FRMD6: variants seen among roughly 807,000 people sequenced by gnomAD.
FRMD6 encodes the protein FERM domain containing 6.
A neutral mutation model predicts 73.2 loss-of-function variants in FRMD6; 37 were observed. The observed-to-expected ratio is 0.51, with a 90% CI of 0.39 to 0.66. FRMD6 has a LOEUF of 0.66. Ranked by LOEUF, FRMD6 falls within the 30% of genes least tolerant of loss-of-function variation. The pLI, the probability that FRMD6 is intolerant of heterozygous loss-of-function variation, is 0.00. For missense variants in FRMD6, 714 were observed against 780.5 expected (o/e 0.91, Z 1.02); for synonymous variants, 273 against 282.2 (o/e 0.97, Z 0.33).
the FRMD6 span, among the ~76,000 whole-genome samples, chr14:51,447,425 A>G: frequency 6.6e-6 from 1 of 152,160 alleles, no homozygotes; most frequent in African/African-American, 2.4e-5. Context: ...ACAAGCCTGA[A>G]CACCAGGAAG....
chr14:51,525,582 A>G (rs1231578868), intron 1 of FRMD6, among the ~76,000 whole-genome samples: 1 of 152,058 alleles, frequency 6.6e-6, no homozygotes, highest in Non-Finnish European at 1.5e-5. Flanking sequence ...TACACCCAGC[A>G]TTTTTAAAGA....
chr14:51,640,462 G>T (rs999706033), intron 2 of FRMD6, among the ~76,000 whole-genome samples: 1 of 152,184 alleles, frequency 6.6e-6, no homozygotes, highest in African/African-American at 2.4e-5. Flanking sequence ...CCTGTCACCA[G>T]TTCTTAAATG....
At chr14:51,727,356 A>G (rs1271428462) in intron 13 of FRMD6, among the ~76,000 whole-genome samples, 1 of 151,828 alleles carries the variant, frequency 6.6e-6, no homozygotes, top group East Asian at 1.9e-4. Flanking sequence ...CCTTATTTCA[A>G]GATAATTACT....
chr14:51,588,466 A>C (rs532832049), intron 2 of FRMD6, among the ~76,000 whole-genome samples: 1 of 152,292 alleles, frequency 6.6e-6, no homozygotes, highest in East Asian at 1.9e-4. Context: ...GCAGGTCTCT[A>C]CTTGATTATG....
At chr14:51,607,024 G>A (rs552666778) in intron 2 of FRMD6, among the ~76,000 whole-genome samples, 3 of 152,122 alleles carry the variant, frequency 2.0e-5, no homozygotes, top group Non-Finnish European at 4.4e-5. Context: ...TATTCTGTCC[G>A]GGTCCCCAGT....
chr14:51,521,473 A>G (rs1295400191), intron 1 of FRMD6, among the ~76,000 whole-genome samples: 1 of 152,190 alleles, frequency 6.6e-6, no homozygotes, highest in Non-Finnish European at 1.5e-5. Flanking sequence ...CTCAGAGAAT[A>G]TGCAACACAA....
chr14:51,550,743 C>A (rs1886777685), intron 1 of FRMD6, among the ~76,000 whole-genome samples: 1 of 151,984 alleles, frequency 6.6e-6, no homozygotes, highest in Middle Eastern at 3.4e-3. Context: ...GTGATCTTGG[C>A]AATTTTCATC....
At chr14:51,638,151 G>A (rs1891655655) in intron 2 of FRMD6, among the ~76,000 whole-genome samples, 1 of 152,172 alleles carries the variant, frequency 6.6e-6, no homozygotes, top group South Asian at 2.1e-4. Flanking sequence ...GAGTGTGGTT[G>A]CATAAGCCTG....
chr14:51,509,154 T>G (rs1413588916), intron 1 of FRMD6, among the ~76,000 whole-genome samples: 2 of 152,206 alleles, frequency 1.3e-5, no homozygotes, highest in Non-Finnish European at 2.9e-5. Context: ...AAATCAATCT[T>G]GATACTTTAA....
chr14:51,629,512 C>T (rs1048439561), intron 2 of FRMD6, among the ~76,000 whole-genome samples: 30 of 152,238 alleles, frequency 2.0e-4, no homozygotes, highest in African/African-American at 7.0e-4. Flanking sequence ...GTTCCACATC[C>T]TTGTCAACAC....
chr14:51,450,735 A>C, the FRMD6 span, among the ~76,000 whole-genome samples: 3 of 152,236 alleles, frequency 2.0e-5, no homozygotes, highest in Non-Finnish European at 1.5e-5. Context: ...TGGGCCAAAC[A>C]AACCATGACT....
intron 10 of FRMD6, chr14:51,717,149 C>T (rs1301604175): frequency 2.0e-5 from 3 of 152,072 alleles, no homozygotes; most frequent in South Asian, 2.1e-4. Context: ...CAAGTGTATT[C>T]GGAGGCTTAA....
chr14:51,667,809 A>G (rs910130148), intron 1 of FRMD6, among the ~76,000 whole-genome samples: 9 of 152,212 alleles, frequency 5.9e-5, no homozygotes, highest in African/African-American at 2.2e-4. Flanking sequence ...TTCTAATTAA[A>G]TCTTAAAAGT....
At chr14:51,441,431 C>A in the FRMD6 span, among the ~76,000 whole-genome samples, 3 of 152,232 alleles carry the variant, frequency 2.0e-5, no homozygotes, top group Admixed American at 2.0e-4. Context: ...AGCATCCAAT[C>A]CTCAGAAACT....
intron 2 of FRMD6, among the ~76,000 whole-genome samples, chr14:51,596,447 G>GA (rs1283121174): frequency 7.9e-5 from 12 of 152,134 alleles, no homozygotes; most frequent in African/African-American, 2.7e-4. Context: ...CCTGTCAAAT[G>GA]ATCATATCAA....
Position 51,687,201 on chromosome 14 carries a change from G to A in FRMD6, c.-146-2490G>A, listed in dbSNP as rs144827296. Among the ~76,000 whole-genome samples, 322 of 152,122 alleles carry A rather than the reference G, an allele frequency of 2.1e-3. 1 individual carries two copies. Among genetic ancestry groups the A allele is most frequent in the African/African-American group, 7.4e-3 (306 of 41,504 alleles). On this transcript the variant is annotated intron_variant, in intron 1 of 13. Coordinates refer to ENST00000344768, the MANE Select transcript of FRMD6 (RefSeq NM_001267046.2). ...ACAGCTCAGAAGATATTTTTTTCTAGTTTATTTTTTAAATTCTGGAAAGTA... is the reference window on the plus strand; with the variant it reads ...ACAGCTCAGAAGATATTTTTTTCTAATTTATTTTTTAAATTCTGGAAAGTA...
At chr14:51,495,810 A>G (rs1330222700) in intron 1 of FRMD6, among the ~76,000 whole-genome samples, 1 of 152,238 alleles carries the variant, frequency 6.6e-6, no homozygotes, top group Non-Finnish European at 1.5e-5. Context: ...AACTAGGTGA[A>G]GAAGCCATGA....
chr14:51,459,884 C>CTTTTTTTTGTTTTTTTT, the FRMD6 span, among the ~76,000 whole-genome samples: 1 of 74,650 alleles, frequency 1.3e-5, no homozygotes, highest in Non-Finnish European at 2.3e-5. Context: ...TACTGACTCT[C>CTTTTTTTTGTTTTTTTT]TTTTTTTTTT....
chr14:51,464,582 G>C, the FRMD6 span, among the ~76,000 whole-genome samples: 1 of 152,092 alleles, frequency 6.6e-6, no homozygotes, highest in East Asian at 1.9e-4. Flanking sequence ...AGGAGAACTG[G>C]GTTAGCAAAA....
Sources: gnomAD v4.1 joint callset for allele counts (sites outside exome capture counted in the v4.1 genomes callset) on GRCh38, gnomAD v4.1.1 for gene constraint, MANE v1.5 for transcripts, NCBI Gene and HGNC (gene_info 2026-07-23, HGNC 2026-07-21) for gene names.